Variants in INPP4A observed in about 807,000 individuals in gnomAD.
INPP4A encodes inositol polyphosphate-4-phosphatase, type I, 107kD.
Under a neutral mutation model 119.8 loss-of-function variants are expected in INPP4A, and 33 were observed. The observed-to-expected ratio is 0.28, with a 90% CI of 0.21 to 0.37. The LOEUF (loss-of-function observed/expected upper bound fraction) is 0.37. Among genes scored for constraint, INPP4A ranks in the 10% least tolerant of loss-of-function variants. The probability of loss-of-function intolerance (pLI) is 1.00; values close to 1 mark genes in which losing one functional copy is unlikely to be tolerated. For missense variants in INPP4A, 956 were observed against 1,289.9 expected, an observed-to-expected ratio of 0.74 and a Z score of 3.97; for synonymous variants, 496 against 500.7, an observed-to-expected ratio of 0.99 and a Z score of 0.12.
At chr2:98,576,878 A>T in intron 23 of INPP4A, 111 bp from the exon 24 acceptor site, 1 of 1,321,368 alleles carries the variant, frequency 7.6e-7, no homozygotes. Flanking sequence ...CTGGGTGTTG[A>T]GTTTCTGTTC....
At chr2:98,576,923 T>C (rs1411596603) in intron 23 of INPP4A, 66 bp from the exon 24 acceptor site, 1 of 1,547,856 alleles carries the variant, frequency 6.5e-7, no homozygotes, top group African/African-American at 1.4e-5. Flanking sequence ...GCCTTTCCTG[T>C]GTGTGAAGGG....
At chr2:98,522,141 G>A (rs2105765694) in intron 4 of INPP4A, among the ~76,000 whole-genome samples, 1 of 152,090 alleles carries the variant, frequency 6.6e-6, no homozygotes, top group South Asian at 2.1e-4. Flanking sequence ...ACAAAAATTA[G>A]CCAGGCATGA....
At chr2:98,555,389 C>T (rs1694269256) in intron 15 of INPP4A, among the ~76,000 whole-genome samples, 164 bp from the exon 16 acceptor site, 1 of 152,182 alleles carries the variant, frequency 6.6e-6, no homozygotes, top group Non-Finnish European at 1.5e-5. Context: ...GCAAATGCAA[C>T]TTTAGTGGGG....
rs964999649 is a variant in INPP4A at position 98,555,804 on chromosome 2, C to T, written c.1818C>T (p.Thr606=). 3 of 1,556,124 alleles carry T rather than the reference C, an allele frequency of 1.9e-6. No individual in the cohort carries two copies. Among genetic ancestry groups the T allele is most frequent in the Non-Finnish European group, 2.6e-6 (3 of 1,148,944 alleles). Residue 606 remains threonine (T), a synonymous_variant, in exon 16 of 25, where the codon ACC becomes ACT. Transcript: ENST00000409851. ...MPSTACHPHL[T]THCSPPPEES... ...CCACTGCATGCCATCCTCATCTGAC[C>T]ACACGTGCGTATGCATCCATGCTTC...
intron 1 of INPP4A, among the ~76,000 whole-genome samples, chr2:98,451,567 A>G (rs1045803982): frequency 2.6e-5 from 4 of 151,730 alleles, no homozygotes; most frequent in Non-Finnish European, 1.5e-5. Context: ...CTCTTTTTGC[A>G]CCTCACTAGG....
At chr2:98,558,743 A>G (rs1440845536) in intron 16 of INPP4A, among the ~76,000 whole-genome samples, 1 of 152,212 alleles carries the variant, frequency 6.6e-6, no homozygotes, top group Non-Finnish European at 1.5e-5. Flanking sequence ...GCACCCAGTT[A>G]ATGAGAAATT....
intron 1 of INPP4A, among the ~76,000 whole-genome samples, chr2:98,495,040 C>T (rs1681653371): frequency 6.6e-6 from 1 of 152,130 alleles, no homozygotes; most frequent in African/African-American, 2.4e-5. Context: ...GAATATACTT[C>T]ACCACAGGAG....
At chr2:98,465,491 A>C (rs534604170) in intron 1 of INPP4A, among the ~76,000 whole-genome samples, 1 of 152,330 alleles carries the variant, frequency 6.6e-6, no homozygotes, top group East Asian at 1.9e-4. Context: ...GTATAAGGTA[A>C]CATTAATAGG....
intron 7 of INPP4A, among the ~76,000 whole-genome samples, chr2:98,537,081 TTTA>T (rs1187286163): frequency 2.0e-5 from 3 of 152,220 alleles, no homozygotes; most frequent in Non-Finnish European, 4.4e-5. Context: ...CATCATTCTT[TTTA>T]AAGGAGCTAA....
Position 98,539,566 on chromosome 2 carries a change from A to G in INPP4A, c.709A>G (p.Thr237Ala), listed in dbSNP as rs1438361754. 5.6e-6 allele frequency: 9 copies of G among 1,611,790 alleles called. No homozygotes were observed. The African/African-American group carries it at 6.7e-5, about 12-fold the overall frequency. Reference sequence around the variant, plus strand: ...CATCTGCCGCATGTACCGGTTTCCAACCACTGATGGTAACCATTTGCGGAT... The same window carrying G: ...CATCTGCCGCATGTACCGGTTTCCAGCCACTGATGGTAACCATTTGCGGAT... ...GAICRMYRFPTTDGNHLRILE... is the reference protein window; with the variant it reads ...GAICRMYRFPATDGNHLRILE... The change falls in exon 10 of 25, where the codon ACC becomes GCC. Residue 237 changes from threonine (T) to alanine (A), a missense_variant. Thr to Ala is a moderately conservative substitution (Grantham distance 58). Coordinates refer to ENST00000409851, the MANE Select transcript of INPP4A (RefSeq NM_001134225.2).
In INPP4A at chr2:98,591,697, G is replaced by A. The variant is rs566445012; in HGVS notation, c.*4089G>A. 6.6e-6 allele frequency: 1 copy of A among 152,378 alleles called. No individual in the cohort carries two copies. The highest frequency in any genetic ancestry group is 1.9e-4 in the East Asian group (1 of 5,168). The allele number at this position is 152,378 out of a possible 1,614,324, so 9.4% of individuals were successfully genotyped here. A position where few individuals can be genotyped will look rare whatever the true frequency, so the allele number is the denominator to read the frequency against. ...AGGGGAGTTGTCCCAGGGAGGCTTT[G>A]CGCTGGAGGAAGGTAAGAGGAGCTG... On this transcript the variant is annotated 3_prime_UTR_variant, in exon 25 of 25. Coordinates refer to ENST00000409851, the MANE Select transcript of INPP4A (RefSeq NM_001134225.2).
intron 4 of INPP4A, among the ~76,000 whole-genome samples, chr2:98,532,984 A>G (rs541230575): frequency 6.6e-6 from 1 of 152,330 alleles, no homozygotes; most frequent in South Asian, 2.1e-4. Flanking sequence ...ACAGGATGCA[A>G]GCATGGGTAG....
Position 98,555,742 on chromosome 2 carries a change from G to A in INPP4A, c.1756G>A (p.Asp586Asn), listed in dbSNP as rs775377216. 6.2e-7 allele frequency: 1 copy of A among 1,600,854 alleles called. No homozygotes were observed. Among genetic ancestry groups the A allele is most frequent in the East Asian group, 2.3e-5 (1 of 44,254 alleles). The change falls in exon 16 of 25, where the codon GAT (aspartate) becomes AAT (asparagine). Residue 586 changes from aspartate to asparagine, a missense_variant. Physicochemically the swap from Asp to Asn is conservative, Grantham distance 23. This residue lies in a region of INPP4A where 652 missense variants were observed against 797.9 expected (regional missense o/e 0.82). Transcript: ENST00000409851. ...YWIRPEDPFC[D>N]VPSSPCPSTM... ...GATCAGACCAGAAGACCCCTTCTGT[G>A]ATGTCCCCTCCTCACCATGCCCCTC... is the stretch of plus-strand genomic sequence containing the variant.
intron 8 of INPP4A, 53 bp downstream of exon 8, chr2:98,538,027 A>G: frequency 2.4e-6 from 3 of 1,240,572 alleles, no homozygotes; most frequent in Non-Finnish European, 3.5e-6. Flanking sequence ...GGAATTAATC[A>G]GTAAAAATGC....
rs373591478 is a variant in INPP4A, at chr2:98,570,631, T to C, written c.2518+1963T>C. ...CAGGGGCCATGGGAGTGCTCAAAGG[T>C]CCGAGGGAAGGAGAACACACAGGGC... On this transcript the variant is annotated intron_variant, in intron 22 of 24. Coordinates refer to ENST00000409851, the MANE Select transcript of INPP4A (RefSeq NM_001134225.2). This position sits in a 1 kb window ranked among gnomAD's most constrained non-coding sequence, Gnocchi z 4.3. Among the ~76,000 whole-genome samples, 57 of 151,630 alleles carry C rather than the reference T, an allele frequency of 3.8e-4. 2 individuals carry two copies. In the South Asian group the frequency reaches 0.012, roughly 31 times the overall value.
intron 3 of INPP4A, 44 bp downstream of exon 3, chr2:98,520,198 C>A: frequency 7.1e-7 from 1 of 1,411,728 alleles, no homozygotes; most frequent in Non-Finnish European, 9.8e-7. Flanking sequence ...TATGAGCTCA[C>A]AGCACCTGGG....
intron 1 of INPP4A, among the ~76,000 whole-genome samples, chr2:98,468,039 C>T (rs57018206): frequency 0.036 from 5,490 of 152,222 alleles, 333 homozygotes; most frequent in African/African-American, 0.13. Context: ...TCGAGTTCCA[C>T]AACTAAGTTT....
At chr2:98,450,157 C>T (rs576185718) in intron 1 of INPP4A, among the ~76,000 whole-genome samples, 33 of 152,212 alleles carry the variant, frequency 2.2e-4, no homozygotes, top group African/African-American at 7.7e-4. Context: ...GTACCCCCTG[C>T]ATGCCAGGCC....
intron 1 of INPP4A, among the ~76,000 whole-genome samples, chr2:98,500,041 C>T (rs1301570506): frequency 6.6e-6 from 1 of 152,202 alleles, no homozygotes; most frequent in Non-Finnish European, 1.5e-5. Flanking sequence ...GTCACAACCT[C>T]AGGCCGTGTC....
Sources: allele counts gnomAD v4.1 joint callset (sites outside exome capture counted in the v4.1 genomes callset), GRCh38; gene constraint gnomAD v4.1.1; regional missense constraint gnomAD v4.1.1; non-coding constraint Gnocchi (gnomAD v3.1); transcripts MANE v1.5; gene names NCBI Gene and HGNC (gene_info 2026-07-23, HGNC 2026-07-21).